The following DOCK5 variants were observed in gnomAD, a reference collection of about 807,000 sequenced individuals.
DOCK5 encodes dedicator of cytokinesis 5, also known as dedicator of cytokinesis protein 5.
In DOCK5, 142 loss-of-function variants were observed where a neutral mutation model predicts 251.8. The ratio of observed to expected loss-of-function variants is 0.56; its 90% confidence interval spans 0.49 to 0.65. The LOEUF is 0.65. Ranked by LOEUF, DOCK5 falls within the 30% of genes least tolerant of loss-of-function variation. The probability of loss-of-function intolerance (pLI) is 0.00; values close to 1 mark genes in which losing one functional copy is unlikely to be tolerated. For synonymous variants in DOCK5, 842 were observed against 835.5 expected (o/e 1.01, Z -0.13); for missense variants, 2,111 against 2,312.3 (o/e 0.91, Z 1.79).
chr8:25,227,229 A>G (rs528180962), intron 1 of DOCK5, among the ~76,000 whole-genome samples: 3 of 152,200 alleles, frequency 2.0e-5, no homozygotes, highest in South Asian at 2.1e-4. Context: ...CCGACCTCCC[A>G]TGAGGGCCAG....
intron 12 of DOCK5, among the ~76,000 whole-genome samples, chr8:25,309,772 G>C (rs1256233964): frequency 1.3e-5 from 2 of 151,978 alleles, no homozygotes; most frequent in African/African-American, 2.4e-5. Context: ...AGTGAGCCGA[G>C]GTGATGCCAC....
chr8:25,341,654 C>A, intron 23 of DOCK5, 85 bp from the exon 24 acceptor site: 2 of 1,170,260 alleles, frequency 1.7e-6, no homozygotes, highest in Non-Finnish European at 1.2e-6. Context: ...GTTCCAAGCA[C>A]AGCCTTTTCT....
intron 39 of DOCK5, among the ~76,000 whole-genome samples, chr8:25,380,881 G>C (rs546459838): frequency 6.6e-6 from 1 of 150,930 alleles, no homozygotes; most frequent in African/African-American, 2.4e-5. Flanking sequence ...CGAATGCCCA[G>C]TGGAGGCAGC....
At chr8:25,192,527 A>C (rs1343436546) in intron 1 of DOCK5, among the ~76,000 whole-genome samples, 2 of 152,070 alleles carry the variant, frequency 1.3e-5, no homozygotes, top group African/African-American at 2.4e-5. Flanking sequence ...CTTTTAAGAG[A>C]TAGGGTCTCA....
intron 7 of DOCK5, among the ~76,000 whole-genome samples, chr8:25,298,418 T>C (rs1804673271): frequency 6.6e-6 from 1 of 152,210 alleles, no homozygotes; most frequent in African/African-American, 2.4e-5. Flanking sequence ...CCTGGAATTA[T>C]CACCTTTAGA....
chr8:25,329,920 G>A (rs1398908246), intron 18 of DOCK5, among the ~76,000 whole-genome samples: 2 of 152,170 alleles, frequency 1.3e-5, no homozygotes, highest in African/African-American at 4.8e-5. Context: ...GTAACCCCGT[G>A]TCACTGCTCT....
At chr8:25,234,462 T>A (rs1022390205) in intron 1 of DOCK5, among the ~76,000 whole-genome samples, 1 of 152,242 alleles carries the variant, frequency 6.6e-6, no homozygotes, top group African/African-American at 2.4e-5. Context: ...GCTGTTTTCC[T>A]TCATTATTAA....
chr8:25,252,265 C>A (rs953570047), intron 2 of DOCK5, among the ~76,000 whole-genome samples: 1 of 152,082 alleles, frequency 6.6e-6, no homozygotes, highest in East Asian at 1.9e-4. Context: ...AAGAGAGAGA[C>A]AAAAGATTCA....
intron 45 of DOCK5, among the ~76,000 whole-genome samples, chr8:25,397,927 C>T (rs577655236): frequency 1.2e-4 from 19 of 152,170 alleles, no homozygotes; most frequent in African/African-American, 3.6e-4. Flanking sequence ...CATTTCTAAA[C>T]GTAAGAAAAA....
At chr8:25,401,190 C>G (rs1206249376) in intron 47 of DOCK5, 124 bp downstream of exon 47, 8 of 1,349,570 alleles carry the variant, frequency 5.9e-6, no homozygotes, top group South Asian at 1.3e-5. Flanking sequence ...AATAGTGAGG[C>G]TGGTGGGAGA....
chr8:25,403,802 C>T (rs1801479688), intron 48 of DOCK5, 78 bp downstream of exon 48: 2 of 1,481,504 alleles, frequency 1.3e-6, no homozygotes, highest in East Asian at 2.3e-5. Flanking sequence ...CGCATCACTC[C>T]TTTGAGAAAA....
At chr8:25,191,156 C>T (rs974471828) in intron 1 of DOCK5, among the ~76,000 whole-genome samples, 19 of 150,932 alleles carry the variant, frequency 1.3e-4, no homozygotes, top group African/African-American at 1.7e-4. Context: ...CTTGGAGACA[C>T]GTTCAGAATG....
At position 25,364,609 on chromosome 8, in the gene DOCK5, G is replaced by T. The variant is rs1263761192; in HGVS notation, c.3045-17G>T. ...GACATACAGTTGGCTTCTTTATCTGGTGTTTTCCTTCCGCAGGGTTTTTCT... is the reference window on the plus strand; with the variant it reads ...GACATACAGTTGGCTTCTTTATCTGTTGTTTTCCTTCCGCAGGGTTTTTCT... On this transcript the variant is annotated splice_polypyrimidine_tract_variant and intron_variant, in intron 29 of 51. Coordinates refer to ENST00000276440, the MANE Select transcript of DOCK5 (RefSeq NM_024940.8). 1 of 1,576,712 alleles carries T rather than the reference G, an allele frequency of 6.3e-7. No individual in the cohort carries two copies. Among genetic ancestry groups the T allele is most frequent in the South Asian group, 1.1e-5 (1 of 87,192 alleles).
At chr8:25,273,149 A>G (rs1803956534) in intron 3 of DOCK5, among the ~76,000 whole-genome samples, 1 of 152,178 alleles carries the variant, frequency 6.6e-6, no homozygotes. Context: ...GGACAGGCCT[A>G]GAGCTTCCGA....
intron 35 of DOCK5, among the ~76,000 whole-genome samples, chr8:25,372,927 ATTGT>A (rs991138712): frequency 4.0e-5 from 6 of 151,422 alleles, no homozygotes; most frequent in African/African-American, 1.2e-4. Flanking sequence ...TGTGTTTTTG[ATTGT>A]TTGTTTTAAT....
At position 25,377,485 on chromosome 8, in the gene DOCK5, C is replaced by A; in HGVS notation, c.3936+61C>A. 3.9e-6 allele frequency: 6 copies of A among 1,551,540 alleles called. 1 individual carries two copies. Among genetic ancestry groups the A allele is most frequent in the Non-Finnish European group, 5.2e-6 (6 of 1,146,770 alleles). ...GGAAAATGACCGCAGTATCGCAATA[C>A]AATTCTGATGCTCACCACTTGGAGT... is the stretch of plus-strand genomic sequence containing the variant. On this transcript the variant is annotated intron_variant, in intron 38 of 51. Transcript: ENST00000276440.
chr8:25,341,684 A>G (rs1805959188), intron 23 of DOCK5, 55 bp from the exon 24 acceptor site: 1 of 1,435,896 alleles, frequency 7.0e-7, no homozygotes, highest in African/African-American at 1.4e-5. Context: ...CAAGCAGTAA[A>G]TACTGTATTT....
chr8:25,283,763 T>C (rs1371940185), intron 5 of DOCK5, among the ~76,000 whole-genome samples: 1 of 152,198 alleles, frequency 6.6e-6, no homozygotes, highest in East Asian at 1.9e-4. Flanking sequence ...TTTCTCACCA[T>C]ACATAGAGAA....
rs181350885 is a variant in DOCK5, at chr8:25,403,529, G to C, written c.4927-29G>C. On this transcript the variant is annotated intron_variant, in intron 47 of 51. Coordinates refer to ENST00000276440, the MANE Select transcript of DOCK5 (RefSeq NM_024940.8). ...TTCATAGGGGCTGGATTCCAGGTCC[G>C]CTAACCATGTGGAGTCATATGTTTT... 5 of 1,609,922 alleles carry C rather than the reference G, an allele frequency of 3.1e-6. No homozygotes were observed. The East Asian group carries it at 1.1e-4, about 36-fold the overall frequency.
Sources: allele counts gnomAD v4.1 joint callset (sites outside exome capture counted in the v4.1 genomes callset), GRCh38; gene constraint gnomAD v4.1.1; transcripts MANE v1.5; gene names NCBI Gene and HGNC (gene_info 2026-07-23, HGNC 2026-07-21).